Variants in SIM2 observed in about 807,000 individuals in gnomAD.
The protein encoded by SIM2 is SIM bHLH transcription factor 2.
Under a neutral mutation model 64.8 loss-of-function variants are expected in SIM2, and 28 were observed. That is an observed-to-expected ratio of 0.43 (90% CI 0.32 to 0.59). The LOEUF is 0.59. Among genes scored for constraint, SIM2 ranks in the 20% least tolerant of loss-of-function variants. SIM2 has a pLI of 0.07. For missense variants in SIM2, 847 were observed against 871.4 expected, an observed-to-expected ratio of 0.97 and a Z score of 0.35; for synonymous variants, 408 against 391.1, an observed-to-expected ratio of 1.04 and a Z score of -0.51.
chr21:36,732,315 G>A (rs747313821), intron 7 of SIM2, among the ~76,000 whole-genome samples: 1 of 152,250 alleles, frequency 6.6e-6, no homozygotes, highest in Non-Finnish European at 1.5e-5. Context: ...GACAGTTAGA[G>A]GAGCTGGGTC....
chr21:36,729,389 C>T (rs961688849), intron 6 of SIM2, among the ~76,000 whole-genome samples: 1 of 152,138 alleles, frequency 6.6e-6, no homozygotes, highest in African/African-American at 2.4e-5. Flanking sequence ...CATCCCTCTC[C>T]CCCACCACTG....
chr21:36,701,950 G>T (rs1336910344), intron 1 of SIM2, among the ~76,000 whole-genome samples: 3 of 152,208 alleles, frequency 2.0e-5, no homozygotes, highest in Non-Finnish European at 4.4e-5. Context: ...GCAATCCAAA[G>T]ATCAAATGAT....
At chr21:36,706,423 T>A (rs571427874) in intron 1 of SIM2, among the ~76,000 whole-genome samples, 1 of 152,170 alleles carries the variant, frequency 6.6e-6, no homozygotes, top group South Asian at 2.1e-4. Context: ...ACAGGCTGGG[T>A]TGGGGACCCC....
Position 36,707,381 on chromosome 21 carries a change from G to T in SIM2, c.176-1787G>T, listed in dbSNP as rs542163054. Among the ~76,000 whole-genome samples, 167 of 152,240 alleles carry T rather than the reference G, an allele frequency of 1.1e-3. 1 individual carries two copies. Among genetic ancestry groups the T allele is most frequent in the African/African-American group, 3.8e-3 (157 of 41,546 alleles). ...GTGCTGCTGTGATCACGGTGGTGAT[G>T]CGGGGTGAGCGCGATTTCCCGGGAT... is the stretch of plus-strand genomic sequence containing the variant. On this transcript the variant is annotated intron_variant, in intron 1 of 10. Coordinates refer to ENST00000290399, the MANE Select transcript of SIM2 (RefSeq NM_005069.6).
At chr21:36,727,278 G>A (rs1002410826) in intron 6 of SIM2, among the ~76,000 whole-genome samples, 7 of 151,908 alleles carry the variant, frequency 4.6e-5, no homozygotes, top group African/African-American at 7.3e-5. Context: ...CAGGTGATCC[G>A]CCCGCCTCAG....
At position 36,699,951 on chromosome 21, in the gene SIM2, C is replaced by T; in HGVS notation, c.175+30C>T. ...GGCCTCAGGTGGGCGGCCGGGGACG[C>T]TGGGGAGCCCGGCGGCCCCGGCCCA... On this transcript the variant is annotated intron_variant, in intron 1 of 10. Transcript: ENST00000290399. This position sits in a 1 kb window ranked among gnomAD's most constrained non-coding sequence, Gnocchi z 5.6. 6.4e-7 allele frequency: 1 copy of T among 1,553,984 alleles called. No homozygotes were observed. Among genetic ancestry groups the T allele is most frequent in the South Asian group, 1.2e-5 (1 of 83,132 alleles).
At chr21:36,733,005 C>T (rs1290186824) in intron 7 of SIM2, among the ~76,000 whole-genome samples, 2 of 152,102 alleles carry the variant, frequency 1.3e-5, no homozygotes, top group Non-Finnish European at 2.9e-5. Context: ...TACCTCCACA[C>T]GCTCCCCCTG....
chr21:36,745,499 C>T lies in SIM2; in HGVS notation c.1576+363C>T, dbSNP rs184134595. The stretch of plus-strand genomic sequence containing the variant: ...CCAGCTGCATTTCTTTTGCAAGATT[C>T]CTTTCCACTCCAACCAGAAGTGAAT... On this transcript the variant is annotated intron_variant, in intron 10 of 10. Transcript: ENST00000290399. The surrounding 1 kb of genome is among the most constrained non-coding windows in gnomAD (Gnocchi z 4.8). 2.3e-5 allele frequency: 27 copies of T among 1,150,776 alleles called. No individual in the cohort carries two copies. The East Asian group carries it at 1.3e-3, about 54-fold the overall frequency. The allele number at this position is 1,150,776 out of a possible 1,614,324, so 71.3% of individuals were successfully genotyped here. A position where few individuals can be genotyped will look rare whatever the true frequency, so the allele number is the denominator to read the frequency against.
chr21:36,729,439 A>G (rs1187934922), intron 6 of SIM2, among the ~76,000 whole-genome samples: 1 of 152,162 alleles, frequency 6.6e-6, no homozygotes, highest in Non-Finnish European at 1.5e-5. Context: ...GACACCATGG[A>G]AATGAGTACA....
intron 1 of SIM2, among the ~76,000 whole-genome samples, chr21:36,703,582 C>T (rs2088536550): frequency 6.6e-6 from 1 of 152,234 alleles, no homozygotes; most frequent in Non-Finnish European, 1.5e-5. Context: ...ACCTTTTCTT[C>T]CCTTTGACAG....
At chr21:36,723,444 C>A (rs1328015961) in intron 5 of SIM2, among the ~76,000 whole-genome samples, 1 of 152,172 alleles carries the variant, frequency 6.6e-6, no homozygotes, top group Non-Finnish European at 1.5e-5. Context: ...TTTATAGAGG[C>A]CCATCCTCCT....
intron 1 of SIM2, among the ~76,000 whole-genome samples, chr21:36,706,000 T>A (rs1358001765): frequency 6.6e-6 from 1 of 152,056 alleles, no homozygotes; most frequent in African/African-American, 2.4e-5. Context: ...CTCCCTTAGG[T>A]GCCCTCATGA....
chr21:36,725,840 C>A (rs1044336304), intron 5 of SIM2, among the ~76,000 whole-genome samples: 1 of 152,152 alleles, frequency 6.6e-6, no homozygotes, highest in African/African-American at 2.4e-5. Flanking sequence ...AGGCTGGTCT[C>A]GAACTCCTGG....
At position 36,709,186 on chromosome 21, in the gene SIM2, G is replaced by A. The variant is rs141551574; in HGVS notation, c.194G>A (p.Gly65Glu). Residue 65 changes from glycine to glutamate, a missense_variant, in exon 2 of 11, where the codon GGA (glycine) becomes GAA (glutamate). Gly to Glu is a moderately conservative substitution (Grantham distance 98). This residue lies in a region of SIM2 where 397 missense variants were observed against 439.2 expected (regional missense o/e 0.90). Coordinates refer to ENST00000290399, the MANE Select transcript of SIM2 (RefSeq NM_005069.6). ...VFPEGLGDAW[G>E]QPSRAGPLDG... Reference sequence around the variant, plus strand: ...CGTCCAGGTTTAGGAGACGCGTGGGGACAGCCGAGCCGCGCCGGGCCCCTG... The same window carrying A: ...CGTCCAGGTTTAGGAGACGCGTGGGAACAGCCGAGCCGCGCCGGGCCCCTG... 345 of 1,609,988 alleles carry A rather than the reference G, an allele frequency of 2.1e-4. No homozygotes were observed. Among genetic ancestry groups the A allele is most frequent in the Non-Finnish European group, 2.8e-4 (332 of 1,178,822 alleles).
Position 36,741,821 on chromosome 21 carries a change from T to A in SIM2, c.955T>A (p.Ser319Thr). ...CGCCACCGTGGTGCACAACAGCCGC[T>A]CGTCCCGGCCCCACTGCATCGTGAG... ...SYATVVHNSR[S>T]SRPHCIVSVN... Residue 319 changes from serine to threonine, a missense_variant, in exon 8 of 11, where the codon TCG (serine) becomes ACG (threonine). Physicochemically the swap from Ser to Thr is moderately conservative, Grantham distance 58. This residue lies in a region of SIM2 where 397 missense variants were observed against 439.2 expected (regional missense o/e 0.90). Coordinates refer to ENST00000290399, the MANE Select transcript of SIM2 (RefSeq NM_005069.6). 1 of 1,608,588 alleles carries A rather than the reference T, an allele frequency of 6.2e-7. No individual in the cohort carries two copies. The highest frequency in any genetic ancestry group is 8.5e-7 in the Non-Finnish European group (1 of 1,177,936).
At chr21:36,720,908 C>T (rs2088815821) in intron 4 of SIM2, among the ~76,000 whole-genome samples, 2 of 152,174 alleles carry the variant, frequency 1.3e-5, no homozygotes, top group South Asian at 4.1e-4. Flanking sequence ...CCCAGCTTGG[C>T]CAGAATACCC....
intron 8 of SIM2, among the ~76,000 whole-genome samples, chr21:36,743,043 T>C (rs922139748): frequency 6.6e-6 from 1 of 152,142 alleles, no homozygotes; most frequent in Non-Finnish European, 1.5e-5. Flanking sequence ...CAGGTGTGCA[T>C]GTTGGATGCA....
chr21:36,703,712 G>A (rs75444122), intron 1 of SIM2, among the ~76,000 whole-genome samples: 1,994 of 152,332 alleles, frequency 0.013, 12 homozygotes, highest in Non-Finnish European at 0.022. Context: ...AGATAAGCTC[G>A]GGGCTGGGGC....
In SIM2 at chr21:36,747,546, C is replaced by T. The variant is rs1444284654; in HGVS notation, c.1577-119C>T. ...AGACTAAGGCGGGGGAGGGCGACAG[C>T]GACCCCGCGGGTGCAGCGCGTGGGC... On this transcript the variant is annotated intron_variant, in intron 10 of 10. Transcript: ENST00000290399. The surrounding 1 kb of genome is among the most constrained non-coding windows in gnomAD (Gnocchi z 4.5). The T allele has an allele frequency of 2.1e-5, 13 of 623,080 alleles. No individual in the cohort carries two copies. The highest frequency in any genetic ancestry group is 2.6e-5 in the Non-Finnish European group (12 of 464,542). The allele number at this position is 623,080 out of a possible 1,614,324, so 38.6% of individuals were successfully genotyped here. A position where few individuals can be genotyped will look rare whatever the true frequency, so the allele number is the denominator to read the frequency against.
Sources: allele counts gnomAD v4.1 joint callset (sites outside exome capture counted in the v4.1 genomes callset), GRCh38; gene constraint gnomAD v4.1.1; regional missense constraint gnomAD v4.1.1; non-coding constraint Gnocchi (gnomAD v3.1); transcripts MANE v1.5; gene names NCBI Gene and HGNC (gene_info 2026-07-23, HGNC 2026-07-21).